The following ACYP2 variants were observed in gnomAD, a reference collection of about 807,000 sequenced individuals.
The protein encoded by ACYP2 is acylphosphatase 2.
Under a neutral mutation model 11.2 loss-of-function variants are expected in ACYP2, and 12 were observed. That is an observed-to-expected ratio of 1.08 (90% confidence interval 0.69 to 1.74). The LOEUF is 1.74. Ranked by LOEUF, ACYP2 falls within the 40% of genes most tolerant of loss-of-function variation. ACYP2 has a pLI of 0.00. For synonymous variants in ACYP2, 43 were observed against 32.2 expected, an observed-to-expected ratio of 1.33 and a Z score of -1.13; for missense variants, 134 against 101.9, an observed-to-expected ratio of 1.31 and a Z score of -1.35.
rs56673055 is a variant in ACYP2, at chr2:54,141,983, TTGTGTG to T, written c.404+3259_404+3264del. 575 of 458,326 alleles carry T rather than the reference TTGTGTG, an allele frequency of 1.3e-3. 1 individual carries two copies. The highest frequency in any genetic ancestry group is 0.011 in the East Asian group (327 of 29,982). The allele number at this position is 458,326 out of a possible 1,614,324, so 28.4% of individuals were successfully genotyped here. ...CTCCTGAGTGCACATGCTGGCTAAT[TTGTGTG>T]TGTGTGTGTGTGTGTGTGTGTGTAT... On this transcript the variant is annotated intron_variant, in intron 6 of 6. Transcript: ENST00000607452.
At chr2:53,987,439 G>A (rs981243937) in intron 2 of ACYP2, among the ~76,000 whole-genome samples, 2 of 151,888 alleles carry the variant, frequency 1.3e-5, no homozygotes, top group African/African-American at 4.8e-5. Context: ...AGAGAACAAA[G>A]TAGTTCATCT....
intron 6 of ACYP2, among the ~76,000 whole-genome samples, chr2:54,243,850 C>G (rs843649): frequency 0.24 from 36,849 of 151,882 alleles, 4,729 homozygotes; most frequent in South Asian, 0.38. Context: ...GCTGGAATTA[C>G]TGGCAGGCCC....
intron 6 of ACYP2, among the ~76,000 whole-genome samples, chr2:54,182,922 A>T (rs78533223): frequency 0.022 from 3,307 of 152,318 alleles, 128 homozygotes; most frequent in African/African-American, 0.076. Context: ...AGGATAAAGG[A>T]TATCTATGTT....
chr2:54,125,177 C>T (rs1680408765), intron 4 of ACYP2, among the ~76,000 whole-genome samples: 1 of 151,962 alleles, frequency 6.6e-6, no homozygotes, highest in Admixed American at 6.6e-5. Flanking sequence ...CTACCATATC[C>T]TGCTCCAGTT....
At chr2:54,001,611 C>T (rs906497532) in intron 2 of ACYP2, among the ~76,000 whole-genome samples, 3 of 152,240 alleles carry the variant, frequency 2.0e-5, no homozygotes, top group East Asian at 1.9e-4. Flanking sequence ...CTTCACTGGT[C>T]TCGAACTTCT....
At chr2:54,254,171 A>T (rs1687368530) in intron 6 of ACYP2, 2 of 152,258 alleles carry the variant, frequency 1.3e-5, no homozygotes, top group Admixed American at 1.3e-4. Flanking sequence ...CACCTGTCTA[A>T]CAAACAGTAG....
At chr2:54,123,117 C>T (rs1680253502) in intron 4 of ACYP2, 1 of 365,996 alleles carries the variant, frequency 2.7e-6, no homozygotes, top group Admixed American at 4.6e-5. Flanking sequence ...TCTAAATTTA[C>T]CCAGTAGATG....
intron 2 of ACYP2, among the ~76,000 whole-genome samples, chr2:54,032,666 G>A (rs1397123085): frequency 6.6e-6 from 1 of 152,156 alleles, no homozygotes; most frequent in Non-Finnish European, 1.5e-5. Context: ...TGTGAAGAAA[G>A]TCATTGGTAG....
intron 6 of ACYP2, among the ~76,000 whole-genome samples, chr2:54,224,047 G>T (rs1348945003): frequency 1.3e-5 from 2 of 152,150 alleles, no homozygotes; most frequent in African/African-American, 4.8e-5. Flanking sequence ...GGACATTGGG[G>T]TTAGGCTTCT....
At chr2:54,205,224 A>G (rs943772269) in intron 6 of ACYP2, among the ~76,000 whole-genome samples, 3 of 152,178 alleles carry the variant, frequency 2.0e-5, no homozygotes, top group Non-Finnish European at 4.4e-5. Flanking sequence ...CTGTGAGGCC[A>G]TGGTGGATAT....
At chr2:54,135,848 T>C (rs746943478) in intron 5 of ACYP2, among the ~76,000 whole-genome samples, 2 of 152,212 alleles carry the variant, frequency 1.3e-5, no homozygotes, top group Admixed American at 6.5e-5. Flanking sequence ...TGTTGCATAA[T>C]GAAGTGGTTC....
intron 2 of ACYP2, among the ~76,000 whole-genome samples, chr2:53,995,181 C>T (rs537821227): frequency 2.0e-4 from 30 of 152,242 alleles, no homozygotes; most frequent in African/African-American, 7.0e-4. Flanking sequence ...CTGTCCTGCC[C>T]ATCTATCCCA....
intron 2 of ACYP2, among the ~76,000 whole-genome samples, chr2:54,027,035 G>A (rs563411458): frequency 3.9e-5 from 6 of 152,244 alleles, no homozygotes; most frequent in South Asian, 2.1e-4. Context: ...AACATTATCC[G>A]TTCTCCAATA....
intron 6 of ACYP2, among the ~76,000 whole-genome samples, chr2:54,186,953 G>A (rs1684032930): frequency 6.6e-6 from 1 of 151,956 alleles, no homozygotes; most frequent in African/African-American, 2.4e-5. Flanking sequence ...ATCTTTTTGA[G>A]TTACTGCACC....
intron 6 of ACYP2, chr2:54,142,854 G>T (rs918745392): frequency 5.3e-5 from 8 of 152,072 alleles, no homozygotes; most frequent in African/African-American, 1.7e-4. Flanking sequence ...TGATTTTATG[G>T]TTTTCTTTAT....
chr2:54,040,688 C>T (rs1042952648), intron 2 of ACYP2, among the ~76,000 whole-genome samples: 1 of 152,170 alleles, frequency 6.6e-6, no homozygotes, highest in Non-Finnish European at 1.5e-5. Context: ...TCACATTCTA[C>T]TAACTGATCA....
rs200717312 is a variant in ACYP2 at position 54,113,277 on chromosome 2, T to A, written c.278-22176T>A. 2.7e-5 allele frequency among the ~76,000 whole-genome samples: 4 copies of A among 150,858 alleles called. No homozygotes were observed. The East Asian group carries it at 5.8e-4, about 22-fold the overall frequency. On this transcript the variant is annotated intron_variant, in intron 4 of 6. Coordinates refer to ENST00000607452, the MANE Select transcript of ACYP2 (RefSeq NM_001320586.2). ...TTTTTGGAGACAGGGTCTCGCTCTG[T>A]CACCCAGGCTGGAGTGCAGTGGCCC...
chr2:54,233,305 C>CT (rs1213428258), intron 6 of ACYP2, among the ~76,000 whole-genome samples: 38,611 of 129,230 alleles, frequency 0.3, 6,482 homozygotes, highest in African/African-American at 0.42. Flanking sequence ...CCCTTCCAAA[C>CT]TTTTTTTTTT....
At chr2:54,127,486 C>T (rs1056057738) in intron 4 of ACYP2, among the ~76,000 whole-genome samples, 6 of 152,086 alleles carry the variant, frequency 3.9e-5, no homozygotes, top group Non-Finnish European at 1.5e-5. Context: ...AATCCCAGCA[C>T]TTTGGGAGGC....
Sources: allele counts gnomAD v4.1 joint callset (sites outside exome capture counted in the v4.1 genomes callset), GRCh38; gene constraint gnomAD v4.1.1; transcripts MANE v1.5; gene names NCBI Gene and HGNC (gene_info 2026-07-23, HGNC 2026-07-21).